Variants in ARHGAP15 observed in about 807,000 individuals in gnomAD.
ARHGAP15 encodes rho GTPase-activating protein 15.
ARHGAP15 carries 51 observed loss-of-function variants against 63.7 expected under a neutral mutation model. The observed-to-expected ratio is 0.80, with a 90% CI of 0.64 to 1.01. The LOEUF is 1.01. Among genes scored for constraint, ARHGAP15 ranks in the 50% least tolerant of loss-of-function variants. ARHGAP15 has a pLI of 0.00. For missense variants in ARHGAP15, 560 were observed against 564.6 expected, an observed-to-expected ratio of 0.99 and a Z score of 0.08; for synonymous variants, 191 against 193.8, an observed-to-expected ratio of 0.99 and a Z score of 0.12.
chr2:143,239,051 A>T (rs987795007), intron 5 of ARHGAP15, among the ~76,000 whole-genome samples: 3 of 152,184 alleles, frequency 2.0e-5, no homozygotes, highest in African/African-American at 7.2e-5. Context: ...GGAGAGGGAC[A>T]GCATCAGGAA....
At chr2:143,478,716 GA>G (rs1163874246) in intron 8 of ARHGAP15, among the ~76,000 whole-genome samples, 1 of 151,094 alleles carries the variant, frequency 6.6e-6, no homozygotes, top group African/African-American at 2.4e-5. Flanking sequence ...TTATAAATAT[GA>G]CATTAGAATA....
chr2:143,734,116 G>A (rs2105491802), intron 13 of ARHGAP15, among the ~76,000 whole-genome samples: 1 of 152,294 alleles, frequency 6.6e-6, no homozygotes, highest in East Asian at 1.9e-4. Flanking sequence ...TGGTTTAGAT[G>A]TGCATGAATG....
At chr2:143,333,686 G>C (rs1684647677) in intron 6 of ARHGAP15, among the ~76,000 whole-genome samples, 1 of 152,146 alleles carries the variant, frequency 6.6e-6, no homozygotes, top group South Asian at 2.1e-4. Context: ...ATCAGGGTTT[G>C]TATAGCACCG....
At chr2:143,635,311 C>T (rs535029678) in intron 12 of ARHGAP15, among the ~76,000 whole-genome samples, 4 of 149,772 alleles carry the variant, frequency 2.7e-5, no homozygotes, top group African/African-American at 7.3e-5. Context: ...CCTCAGCCCC[C>T]GAAAGTGCTG....
chr2:143,287,194 A>C (rs1344716052), intron 6 of ARHGAP15, among the ~76,000 whole-genome samples: 1 of 152,160 alleles, frequency 6.6e-6, no homozygotes, highest in Non-Finnish European at 1.5e-5. Context: ...ATAAAATTTG[A>C]CTAATAACAA....
chr2:143,617,225 C>T (rs1641691970), intron 11 of ARHGAP15, among the ~76,000 whole-genome samples: 1 of 152,156 alleles, frequency 6.6e-6, no homozygotes, highest in Non-Finnish European at 1.5e-5. Context: ...CACTGTGTTT[C>T]ACAAGTGTAG....
chr2:143,604,297 T>C (rs1336250695), intron 11 of ARHGAP15, among the ~76,000 whole-genome samples: 1 of 152,206 alleles, frequency 6.6e-6, no homozygotes, highest in Non-Finnish European at 1.5e-5. Context: ...CATGGATCCT[T>C]GAGAGCTGTT....
In ARHGAP15 at chr2:143,469,200, CTG is replaced by C. The variant is rs1691396324; in HGVS notation, c.704-18172_704-18171del. On this transcript the variant is annotated intron_variant, in intron 8 of 13. Transcript: ENST00000295095. ...GAACCTGTAGTCGACCCATTCACACCTGACAGATATATTTTAAAGTCTGGGTA... is the reference window on the plus strand; with the variant it reads ...GAACCTGTAGTCGACCCATTCACACCACAGATATATTTTAAAGTCTGGGTA... 2.6e-5 allele frequency among the ~76,000 whole-genome samples: 4 copies of C among 152,052 alleles called. No individual in the cohort carries two copies. In the South Asian group the frequency reaches 8.3e-4, roughly 32 times the overall value.
At chr2:143,509,064 T>C (rs1693454934) in intron 9 of ARHGAP15, among the ~76,000 whole-genome samples, 1 of 152,210 alleles carries the variant, frequency 6.6e-6, no homozygotes, top group Admixed American at 6.5e-5. Context: ...CGCAGCTAAA[T>C]GTCCAGCTTC....
chr2:143,393,265 T>A (rs1687611803), intron 6 of ARHGAP15, among the ~76,000 whole-genome samples: 1 of 152,160 alleles, frequency 6.6e-6, no homozygotes, highest in Non-Finnish European at 1.5e-5. Context: ...TTGTTAATAT[T>A]GCATTTTATG....
intron 6 of ARHGAP15, among the ~76,000 whole-genome samples, chr2:143,321,795 C>T (rs1444336138): frequency 1.3e-5 from 2 of 152,164 alleles, no homozygotes; most frequent in Non-Finnish European, 2.9e-5. Flanking sequence ...CTTCTGGGCT[C>T]AAGCCACCTC....
At position 143,205,872 on chromosome 2, in the gene ARHGAP15, C is replaced by T. The variant is rs74390206; in HGVS notation, c.234+3670C>T. Among the ~76,000 whole-genome samples the T allele has an allele frequency of 8.7e-3, 1,321 of 152,100 alleles. 26 individuals are homozygous for T. Among genetic ancestry groups the T allele is most frequent in the African/African-American group, 0.03 (1,253 of 41,488 alleles). ...CCCATATGCTTCTCCTTGTGCACCCCCAAACCCTCACCCAAGCCTTGAAAT... is the reference window on the plus strand; with the variant it reads ...CCCATATGCTTCTCCTTGTGCACCCTCAAACCCTCACCCAAGCCTTGAAAT... On this transcript the variant is annotated intron_variant, in intron 3 of 13. Transcript: ENST00000295095.
chr2:143,346,238 ACACACACACACT>A (rs1558909795), intron 6 of ARHGAP15, among the ~76,000 whole-genome samples: 8 of 140,936 alleles, frequency 5.7e-5, no homozygotes, highest in African/African-American at 2.2e-4. Flanking sequence ...ACTCTCTCTC[ACACACACACACT>A]CACACACACA....
chr2:143,344,673 G>A (rs1685194152), intron 6 of ARHGAP15, among the ~76,000 whole-genome samples: 2 of 152,236 alleles, frequency 1.3e-5, no homozygotes, highest in South Asian at 4.1e-4. Flanking sequence ...ATATTATGCA[G>A]ACCATGGCTT....
intron 13 of ARHGAP15, among the ~76,000 whole-genome samples, chr2:143,719,098 G>T (rs1011461094): frequency 6.6e-6 from 1 of 152,178 alleles, no homozygotes; most frequent in African/African-American, 2.4e-5. Context: ...GGACAGAACC[G>T]CTGTAAGGGG....
At position 143,288,543 on chromosome 2, in the gene ARHGAP15, G is replaced by A. The variant is rs529996616; in HGVS notation, c.474+37943G>A. On this transcript the variant is annotated intron_variant, in intron 6 of 13. Transcript: ENST00000295095. ...TTCAGTCTTCCTTTTAGAAACCTCC[G>A]AGTTATTTTTCTGTGCTGTGTACAT... Among the ~76,000 whole-genome samples, 17 of 151,712 alleles carry A rather than the reference G, an allele frequency of 1.1e-4. No homozygotes were observed. In the East Asian group the frequency reaches 3.1e-3, roughly 28 times the overall value.
intron 8 of ARHGAP15, among the ~76,000 whole-genome samples, chr2:143,451,767 T>C (rs1367097819): frequency 6.6e-6 from 1 of 151,956 alleles, no homozygotes; most frequent in African/African-American, 2.4e-5. Flanking sequence ...TAAGTGCTTA[T>C]CCGGAAATGA....
intron 8 of ARHGAP15, among the ~76,000 whole-genome samples, chr2:143,450,687 G>C (rs184205431): frequency 3.0e-4 from 46 of 151,886 alleles, no homozygotes; most frequent in Non-Finnish European, 1.5e-5. Context: ...TAGAAAATCA[G>C]AGGAACTTCA....
intron 6 of ARHGAP15, among the ~76,000 whole-genome samples, chr2:143,403,925 ATT>A (rs34799259): frequency 1.3e-3 from 200 of 149,456 alleles, no homozygotes; most frequent in African/African-American, 3.0e-3. Context: ...CCAGGATGTA[ATT>A]TTTTTTTTTT....
Sources: allele counts gnomAD v4.1 joint callset (sites outside exome capture counted in the v4.1 genomes callset), GRCh38; gene constraint gnomAD v4.1.1; transcripts MANE v1.5; gene names NCBI Gene and HGNC (gene_info 2026-07-23, HGNC 2026-07-21).